Variants in TICRR observed in about 807,000 individuals in gnomAD.
The protein encoded by TICRR is TOPBP1 interacting checkpoint and replication regulator, also known as treslin.
Under a neutral mutation model 178.1 loss-of-function variants are expected in TICRR, and 132 were observed. The observed-to-expected ratio is 0.74, with a 90% CI of 0.64 to 0.86. TICRR has a LOEUF of 0.86. Ranked by LOEUF, TICRR falls within the 40% of genes least tolerant of loss-of-function variation. TICRR has a pLI of 0.00. For missense variants in TICRR, 2,587 were observed against 2,334.3 expected (o/e 1.11, Z -2.23); for synonymous variants, 991 against 900.7 (o/e 1.10, Z -1.79).
chr15:89,625,053 C>T lies in TICRR; in HGVS notation c.4743C>T (p.Ser1581=). The change falls in exon 20 of 22, where the codon AGC becomes AGT. Residue 1581 remains serine (S), a synonymous_variant. Coordinates refer to ENST00000268138, the MANE Select transcript of TICRR (RefSeq NM_152259.4). Reference sequence around the variant, plus strand: ...TTCGAATTAAGAAGATAGACCCCAGCTCTTCATTAGAGGCTGAGCCCCTCA... The same window carrying T: ...TTCGAATTAAGAAGATAGACCCCAGTTCTTCATTAGAGGCTGAGCCCCTCA... ...PKLRIKKIDP[S]SSLEAEPLSK... 1 of 1,614,004 alleles carries T rather than the reference C, an allele frequency of 6.2e-7. No homozygotes were observed.
At chr15:89,622,625 T>C (rs973603577) in intron 19 of TICRR, among the ~76,000 whole-genome samples, 14 of 152,322 alleles carry the variant, frequency 9.2e-5, no homozygotes, top group African/African-American at 3.4e-4. Context: ...ACCATAGATC[T>C]ACACAACCAA....
At chr15:89,610,691 A>G (rs1387556201) in intron 15 of TICRR, among the ~76,000 whole-genome samples, 2 of 152,092 alleles carry the variant, frequency 1.3e-5, no homozygotes, top group Non-Finnish European at 2.9e-5. Flanking sequence ...ATCCACTTCT[A>G]TGAATGTAAT....
At chr15:89,626,530 A>G (rs1408365949) in intron 21 of TICRR, among the ~76,000 whole-genome samples, 1 of 152,064 alleles carries the variant, frequency 6.6e-6, no homozygotes, top group Non-Finnish European at 1.5e-5. Flanking sequence ...AAAGACAAGG[A>G]TTTGGCCTGT....
At chr15:89,606,979 A>G (rs1026244612) in intron 14 of TICRR, among the ~76,000 whole-genome samples, 154 bp downstream of exon 14, 1 of 152,174 alleles carries the variant, frequency 6.6e-6, no homozygotes, top group African/African-American at 2.4e-5. Flanking sequence ...ATAGTCCCCT[A>G]GGAATAGTCT....
rs1475961775 is a variant in TICRR at position 89,595,538 on chromosome 15, A to T, written c.1827A>T (p.Gln609His). ...ATGTGGCTGGGGAGAAAGGAATCCA[A>T]AAGATACCTAGTGGGAGAACAGTGG... ...SPDVAGEKGIQKIPSGRTVDK... is the reference protein window; with the variant it reads ...SPDVAGEKGIHKIPSGRTVDK... The change falls in exon 7 of 22, where the codon CAA (glutamine) becomes CAT (histidine). Residue 609 changes from glutamine to histidine, a missense_variant. By Grantham distance (24) the Gln-to-His change is conservative. Transcript: ENST00000268138. 6.2e-7 allele frequency: 1 copy of T among 1,614,222 alleles called. No homozygotes were observed. The highest frequency in any genetic ancestry group is 1.1e-5 in the South Asian group (1 of 91,082).
chr15:89,627,492 C>T lies in TICRR; in HGVS notation c.*406C>T, dbSNP rs148052073. ...GGCTGGGCTGCTGCGACACAGGCAG[C>T]GCTTTGTAAACTGTGAAGCCATATA... On this transcript the variant is annotated 3_prime_UTR_variant, in exon 22 of 22. Coordinates refer to ENST00000268138, the MANE Select transcript of TICRR (RefSeq NM_152259.4). 527 of 196,878 alleles carry T rather than the reference C, an allele frequency of 2.7e-3. 1 individual carries two copies. Among genetic ancestry groups the T allele is most frequent in the Non-Finnish European group, 4.0e-3 (387 of 96,614 alleles). 12.2% of individuals were successfully genotyped at this position (196,878 alleles called of 1,614,324 possible).
rs1382462597 is a variant in TICRR, at chr15:89,576,815, GTGTGTGTATATATATATATATA to G, written c.654+577_654+598del. Among the ~76,000 whole-genome samples the G allele has an allele frequency of 8.6e-4, 92 of 106,846 alleles. 2 individuals are homozygous for G. The highest frequency in any genetic ancestry group is 6.6e-3 in the South Asian group (21 of 3,172). The allele number at this position is 106,846 out of a possible 152,430, so 70.1% of individuals were successfully genotyped here. A position where few individuals can be genotyped will look rare whatever the true frequency, so the allele number is the denominator to read the frequency against. On this transcript the variant is annotated intron_variant, in intron 1 of 21. Transcript: ENST00000268138. Reference sequence around the variant, plus strand: ...AATACCCAGGGGTGTGTGTGTATGTGTGTGTGTATATATATATATATATATATATATATATATATATATATAC... The same window carrying G: ...AATACCCAGGGGTGTGTGTGTATGTGTATATATATATATATATATATATAC...
chr15:89,621,882 C>T (rs1361941130), intron 19 of TICRR, among the ~76,000 whole-genome samples: 1 of 152,086 alleles, frequency 6.6e-6, no homozygotes, highest in Non-Finnish European at 1.5e-5. Context: ...TTGCCCACTC[C>T]ATCCAGTCAC....
chr15:89,592,076 G>T lies in TICRR; in HGVS notation c.1441G>T (p.Glu481Ter), dbSNP rs1962923110. ...TCCTGTTCCAGAGTGGGCCCAGCAGGAGCTTGGCCACACCACTCCCTGGAG... is the reference window on the plus strand; with the variant it reads ...TCCTGTTCCAGAGTGGGCCCAGCAGTAGCTTGGCCACACCACTCCCTGGAG... Reference protein sequence around the residue: ...ASPVPEWAQQELGHTTPWSPA... With the variant: ...ASPVPEWAQQ The change falls in exon 5 of 22, where the codon GAG (glutamate) becomes TAG (stop). Residue 481 changes from glutamate to a stop codon, truncating the protein, a stop_gained. Coordinates refer to ENST00000268138, the MANE Select transcript of TICRR (RefSeq NM_152259.4). LOFTEE classifies it high-confidence loss of function. The T allele has an allele frequency of 6.2e-7, 1 of 1,611,696 alleles. No individual in the cohort carries two copies. Among genetic ancestry groups the T allele is most frequent in the Non-Finnish European group, 8.5e-7 (1 of 1,178,122 alleles).
intron 7 of TICRR, among the ~76,000 whole-genome samples, chr15:89,597,650 G>T (rs1380724968): frequency 6.6e-6 from 1 of 151,956 alleles, no homozygotes; most frequent in Non-Finnish European, 1.5e-5. Context: ...TAGCTTTATA[G>T]TAAGTCCTGA....
chr15:89,576,259 G>A lies in TICRR; in HGVS notation c.654+19G>A. 5.2e-6 allele frequency: 8 copies of A among 1,524,086 alleles called. No homozygotes were observed. The highest frequency in any genetic ancestry group is 4.0e-5 in the Admixed American group (2 of 50,030). 94.4% of individuals were successfully genotyped at this position (1,524,086 alleles called of 1,614,324 possible). On this transcript the variant is annotated intron_variant, in intron 1 of 21. Transcript: ENST00000268138. ...GTCTAAGGTAAGGAAGGTTACTGTC[G>A]TCTCAGATGGCGTGCACGGTGCTTT... is the stretch of plus-strand genomic sequence containing the variant.
intron 12 of TICRR, among the ~76,000 whole-genome samples, chr15:89,602,343 T>G (rs1207004905): frequency 6.6e-6 from 1 of 152,242 alleles, no homozygotes; most frequent in African/African-American, 2.4e-5. Flanking sequence ...TGTTACTGAA[T>G]AGCAGTCATT....
intron 2 of TICRR, 53 bp from the exon 3 acceptor site, chr15:89,584,233 C>A: frequency 3.4e-6 from 5 of 1,490,604 alleles, no homozygotes; most frequent in Non-Finnish European, 3.6e-6. Context: ...GAATTTTAAT[C>A]TTTTTTTAAA....
chr15:89,623,417 G>T (rs980573723), intron 19 of TICRR, among the ~76,000 whole-genome samples: 6 of 152,202 alleles, frequency 3.9e-5, no homozygotes, highest in African/African-American at 1.4e-4. Context: ...ACTAAACTTG[G>T]ATAGTGTTTG....
chr15:89,619,496 G>T (rs1963388928), intron 17 of TICRR, among the ~76,000 whole-genome samples: 1 of 152,072 alleles, frequency 6.6e-6, no homozygotes, highest in Admixed American at 6.6e-5. Context: ...ATAGTCTAGT[G>T]GGTCAGTGTT....
chr15:89,600,637 T>A lies in TICRR; in HGVS notation c.2105T>A (p.Leu702His). 6.3e-7 allele frequency: 1 copy of A among 1,598,606 alleles called. No homozygotes were observed. Residue 702 changes from leucine to histidine, a missense_variant, in exon 9 of 22, where the codon CTT becomes CAT. By Grantham distance (99) the Leu-to-His change is moderately conservative (BLOSUM62 -3). Transcript: ENST00000268138. Reference protein sequence around the residue: ...KSSLLKTSKSLRQNLGKKLDK... With the variant: ...KSSLLKTSKSHRQNLGKKLDK... The stretch of plus-strand genomic sequence containing the variant: ...AGTCTCTTAAAAACTAGTAAAAGTC[T>A]TCGACAGAATCTAGGAAAAAAACTG...
intron 4 of TICRR, among the ~76,000 whole-genome samples, chr15:89,590,943 A>C (rs1229192834): frequency 6.6e-6 from 1 of 152,128 alleles, no homozygotes; most frequent in African/African-American, 2.4e-5. Flanking sequence ...GAGTTCACTG[A>C]AATTTCTGTT....
chr15:89,584,239 T>C, intron 2 of TICRR, 47 bp from the exon 3 acceptor site: 1 of 1,515,950 alleles, frequency 6.6e-7, no homozygotes, highest in Non-Finnish European at 8.8e-7. Flanking sequence ...TAATCTTTTT[T>C]TAAAATTTTA....
chr15:89,592,228 T>G (rs2141958887), intron 5 of TICRR, 52 bp downstream of exon 5: 1 of 1,530,490 alleles, frequency 6.5e-7, no homozygotes, highest in South Asian at 1.2e-5. Flanking sequence ...CAACGTTCAG[T>G]TATCTGCATT....
Sources: allele counts gnomAD v4.1 joint callset (sites outside exome capture counted in the v4.1 genomes callset), GRCh38; gene constraint gnomAD v4.1.1; transcripts MANE v1.5; gene names NCBI Gene and HGNC (gene_info 2026-07-23, HGNC 2026-07-21).